Variants in ZNF644 observed in about 807,000 individuals in gnomAD.
The protein encoded by ZNF644 is zinc finger protein 644.
A neutral mutation model predicts 108.0 loss-of-function variants in ZNF644; 20 were observed. The ratio of observed to expected loss-of-function variants is 0.19; its 90% confidence interval spans 0.13 to 0.27. The LOEUF is 0.27. ZNF644 is among the 10% of genes least tolerant of loss of function. The pLI is 1.00. For synonymous variants in ZNF644, 542 were observed against 539.1 expected (o/e 1.01, Z -0.08); for missense variants, 1,338 against 1,548.9 (o/e 0.86, Z 2.29).
In ZNF644 at chr1:90,937,949, G is replaced by A; in HGVS notation, c.3224C>T (p.Pro1075Leu). 1.2e-6 allele frequency: 2 copies of A among 1,613,146 alleles called. No homozygotes were observed. The highest frequency in any genetic ancestry group is 1.7e-6 in the Non-Finnish European group (2 of 1,179,846). ...CATCATCTCATTCAGAACACAGATT[G>A]GAGATTTGTGAGCATCCCATTTCGT... ...GKTKWDAHKS[P>L]ICVLNEMMQN... Residue 1075 changes from proline (P) to leucine (L), a missense_variant, in exon 4 of 6, where the codon CCA becomes CTA. Physicochemically the swap from Pro to Leu is moderately conservative, Grantham distance 98 (BLOSUM62 -3). This residue lies in a region of ZNF644 where 287 missense variants were observed against 310.9 expected (regional missense o/e 0.92). Coordinates refer to ENST00000337393, the MANE Select transcript of ZNF644 (RefSeq NM_201269.3).
intron 2 of ZNF644, among the ~76,000 whole-genome samples, chr1:90,942,076 T>G (rs1652052378): frequency 6.6e-6 from 1 of 152,096 alleles, no homozygotes; most frequent in Non-Finnish European, 1.5e-5. Context: ...TTACTAAAGT[T>G]AAAATTAATG....
intron 4 of ZNF644, among the ~76,000 whole-genome samples, chr1:90,922,756 T>C (rs1649603540): frequency 6.6e-6 from 1 of 151,972 alleles, no homozygotes. Flanking sequence ...ACCCTTAAGG[T>C]AGGCCCCAGT....
chr1:90,923,669 G>A (rs1053071269), intron 4 of ZNF644, among the ~76,000 whole-genome samples: 3 of 151,936 alleles, frequency 2.0e-5, no homozygotes, highest in Non-Finnish European at 2.9e-5. Flanking sequence ...CACTCCCAAT[G>A]ACTGAAAAAA....
At chr1:91,015,712 T>G (rs910044284) in intron 1 of ZNF644, among the ~76,000 whole-genome samples, 1 of 152,212 alleles carries the variant, frequency 6.6e-6, no homozygotes, top group African/African-American at 2.4e-5. Context: ...AGGCACACTT[T>G]GATGCCTACC....
rs80161102 is a variant in ZNF644 at position 90,939,153 on chromosome 1, G to T, written c.2201C>A (p.Ala734Glu). 332 of 1,613,684 alleles carry T rather than the reference G, an allele frequency of 2.1e-4. 1 individual carries two copies. The Admixed American group carries it at 3.5e-3, about 17-fold the overall frequency. Reference protein sequence around the residue: ...QAAKEKSNAKANSHYLYRHKY... With the variant: ...QAAKEKSNAKENSHYLYRHKY... ...GTGTCTATACAAATAGTGGCTATTT[G>T]CCTTGGCATTAGACTTTTCTTTTGC... is the stretch of plus-strand genomic sequence containing the variant. Residue 734 changes from alanine to glutamate, a missense_variant, in exon 3 of 6, where the codon GCA becomes GAA. Ala to Glu is a moderately radical substitution (Grantham distance 107, BLOSUM62 -1). This residue lies in a region of ZNF644 where 462 missense variants were observed against 472.6 expected (regional missense o/e 0.98). Transcript: ENST00000337393.
At chr1:90,984,614 A>T (rs916065176) in intron 1 of ZNF644, among the ~76,000 whole-genome samples, 1 of 152,150 alleles carries the variant, frequency 6.6e-6, no homozygotes, top group African/African-American at 2.4e-5. Context: ...GCTGGTCTCG[A>T]ACTCCTGACC....
intron 2 of ZNF644, among the ~76,000 whole-genome samples, chr1:90,955,594 C>T (rs1253074967): frequency 6.6e-6 from 1 of 152,174 alleles, no homozygotes; most frequent in Non-Finnish European, 1.5e-5. Flanking sequence ...TTCCTTAAAC[C>T]TCATGAATCC....
At chr1:90,972,619 T>C (rs1380868041) in intron 2 of ZNF644, 1 of 152,186 alleles carries the variant, frequency 6.6e-6, no homozygotes, top group Non-Finnish European at 1.5e-5. Flanking sequence ...TCTAGGTATA[T>C]ATCCTTGAAA....
intron 2 of ZNF644, among the ~76,000 whole-genome samples, chr1:90,959,110 G>T (rs1468623129): frequency 6.6e-6 from 1 of 152,004 alleles, no homozygotes; most frequent in East Asian, 1.9e-4. Context: ...GACGTGAACA[G>T]ATATTTCTCA....
At chr1:90,967,394 C>T (rs1655013899) in intron 2 of ZNF644, among the ~76,000 whole-genome samples, 3 of 152,184 alleles carry the variant, frequency 2.0e-5, no homozygotes, top group Admixed American at 1.3e-4. Flanking sequence ...CGGTTCCTTT[C>T]AGAACTCTTT....
rs749647290 is a variant in ZNF644, at chr1:90,994,104, A to G, written c.-17-11734T>C. On this transcript the variant is annotated intron_variant, in intron 1 of 5. Coordinates refer to ENST00000337393, the MANE Select transcript of ZNF644 (RefSeq NM_201269.3). Reference sequence around the variant, plus strand: ...GGAGATGTAGAATGCTTCTTAGTACATTTGCAAAAACTATTGGGAAAGTGT... The same window carrying G: ...GGAGATGTAGAATGCTTCTTAGTACGTTTGCAAAAACTATTGGGAAAGTGT... 2.2e-4 allele frequency among the ~76,000 whole-genome samples: 33 copies of G among 152,102 alleles called. 1 individual carries two copies. Among genetic ancestry groups the G allele is most frequent in the Middle Eastern group, 6.8e-3 (2 of 294 alleles).
At chr1:90,965,779 C>T (rs1208043245) in intron 2 of ZNF644, among the ~76,000 whole-genome samples, 2 of 152,012 alleles carry the variant, frequency 1.3e-5, no homozygotes, top group Admixed American at 6.6e-5. Context: ...GATGGAGTTT[C>T]GCTCTTGTTG....
At chr1:90,992,854 G>A (rs1051078911) in intron 1 of ZNF644, among the ~76,000 whole-genome samples, 1 of 152,096 alleles carries the variant, frequency 6.6e-6, no homozygotes, top group African/African-American at 2.4e-5. Context: ...CAAGCAGCCT[G>A]AGCAACACAA....
chr1:91,015,765 T>C (rs920367268), intron 1 of ZNF644, among the ~76,000 whole-genome samples: 28 of 152,266 alleles, frequency 1.8e-4, no homozygotes, highest in African/African-American at 6.7e-4. Flanking sequence ...CGGCATGGCT[T>C]AAAATGGGAC....
Position 90,938,336 on chromosome 1 carries a change from T to C in ZNF644, c.3018A>G (p.Thr1006=). The part of the protein sequence containing the change: ...RHVVSPEQIA[T]SDKMQHFKRT... ...TTTTGAAATGCTGCATTTTGTCACT[T>C]GTGGCTATTTGTTCTGGTGATACAA... Residue 1006 remains threonine, a synonymous_variant, in exon 3 of 6, where the codon ACA becomes ACG. Coordinates refer to ENST00000337393, the MANE Select transcript of ZNF644 (RefSeq NM_201269.3). The surrounding 1 kb of genome is among the most constrained non-coding windows in gnomAD (Gnocchi z 4.2). 1 of 1,614,020 alleles carries C rather than the reference T, an allele frequency of 6.2e-7. No homozygotes were observed. Among genetic ancestry groups the C allele is most frequent in the Non-Finnish European group, 8.5e-7 (1 of 1,179,892 alleles).
intron 1 of ZNF644, among the ~76,000 whole-genome samples, chr1:90,991,518 G>C (rs933225111): frequency 8.5e-5 from 13 of 152,150 alleles, no homozygotes; most frequent in African/African-American, 3.1e-4. Context: ...CCTGAGACTG[G>C]GTAATTTATG....
chr1:90,944,840 T>A (rs1052098228), intron 2 of ZNF644, among the ~76,000 whole-genome samples: 3 of 151,980 alleles, frequency 2.0e-5, no homozygotes, highest in African/African-American at 7.3e-5. Flanking sequence ...TACTTCTTCT[T>A]AGTAACAGTA....
At chr1:90,920,764 T>G (rs1245820947) in intron 4 of ZNF644, among the ~76,000 whole-genome samples, 1 of 151,966 alleles carries the variant, frequency 6.6e-6, no homozygotes, top group Non-Finnish European at 1.5e-5. Flanking sequence ...AAAGTTAAGG[T>G]TACAGAATCT....
intron 2 of ZNF644, among the ~76,000 whole-genome samples, chr1:90,981,460 C>T (rs757485731): frequency 1.3e-5 from 2 of 151,976 alleles, no homozygotes; most frequent in Non-Finnish European, 2.9e-5. Flanking sequence ...TGAACTACAG[C>T]ACTTTTCATC....
Sources: allele counts gnomAD v4.1 joint callset (sites outside exome capture counted in the v4.1 genomes callset), GRCh38; gene constraint gnomAD v4.1.1; regional missense constraint gnomAD v4.1.1; non-coding constraint Gnocchi (gnomAD v3.1); transcripts MANE v1.5; gene names NCBI Gene and HGNC (gene_info 2026-07-23, HGNC 2026-07-21).